Variants in IFNG observed in about 807,000 individuals in gnomAD.
IFNG encodes the protein interferon gamma, also known as IFN-gamma.
A neutral mutation model predicts 14.4 loss-of-function variants in IFNG; 8 were observed. That is an observed-to-expected ratio of 0.56 (90% confidence interval 0.33 to 1.00). IFNG has a LOEUF of 1.00. IFNG is among the 50% of genes least tolerant of loss of function. The pLI is 0.03. For synonymous variants in IFNG, 73 were observed against 65.4 expected, an observed-to-expected ratio of 1.12 and a Z score of -0.56; for missense variants, 132 against 194.9, an observed-to-expected ratio of 0.68 and a Z score of 1.92.
At position 68,155,379 on chromosome 12, in the gene IFNG, A is replaced by G. The variant is rs1882584948; in HGVS notation, c.475T>C (p.Phe159Leu). The change falls in exon 4 of 4, where the codon TTT (phenylalanine) becomes CTT (leucine). Residue 159 changes from phenylalanine (F) to leucine (L), a missense_variant. Physicochemically the swap from Phe to Leu is conservative, Grantham distance 22 (BLOSUM62 0). Transcript: ENST00000229135. ...TGKRKRSQML[F>L]RGRRASQ ...TACTGGGATGCTCTTCGACCTCGAAACAGCATCTGACTCCTTTTTCGCTTC... is the reference window on the plus strand; with the variant it reads ...TACTGGGATGCTCTTCGACCTCGAAGCAGCATCTGACTCCTTTTTCGCTTC... 6.2e-7 allele frequency: 1 copy of G among 1,610,116 alleles called. No homozygotes were observed. The highest frequency in any genetic ancestry group is 8.5e-7 in the Non-Finnish European group (1 of 1,177,904).
At position 68,158,021 on chromosome 12, in the gene IFNG, G is replaced by A. The variant is rs1214213909; in HGVS notation, c.258C>T (p.Asp86=). Residue 86 remains aspartate (D), a synonymous_variant, in exon 3 of 4, where the codon GAC becomes GAT. Coordinates refer to ENST00000229135, the MANE Select transcript of IFNG (RefSeq NM_000619.3). ...YFKLFKNFKD[D]QSIQKSVETI... ...TCTCCACACTCTTTTGGATGCTCTGGTCATCTTTAAAGTTTTTAAAAAGTT... is the reference window on the plus strand; with the variant it reads ...TCTCCACACTCTTTTGGATGCTCTGATCATCTTTAAAGTTTTTAAAAAGTT... The A allele has an allele frequency of 1.9e-6, 3 of 1,610,130 alleles. No individual in the cohort carries two copies. The highest frequency in any genetic ancestry group is 2.5e-6 in the Non-Finnish European group (3 of 1,177,564).
chr12:68,158,714 AGTGTGTGTGT>A (rs34079299), intron 1 of IFNG, among the ~76,000 whole-genome samples: 4 of 148,700 alleles, frequency 2.7e-5, no homozygotes, highest in African/African-American at 9.9e-5. Flanking sequence ...AACATGTGCG[AGTGTGTGTGT>A]GTGTGTGTGT....
In IFNG at chr12:68,155,492, C is replaced by A. The variant is rs781718132; in HGVS notation, c.367-5G>T. On this transcript the variant is annotated splice_polypyrimidine_tract_variant and splice_region_variant and intron_variant, in intron 3 of 3. Transcript: ENST00000229135. The stretch of plus-strand genomic sequence containing the variant: ...TTGGACATTCAAGTCAGTTACCTAT[C>A]GGGAAAGAAAAGAGCAAAATTAATT... The A allele has an allele frequency of 1.3e-6, 2 of 1,596,798 alleles. No individual in the cohort carries two copies. Among genetic ancestry groups the A allele is most frequent in the Admixed American group, 1.7e-5 (1 of 57,508 alleles).
intron 1 of IFNG, among the ~76,000 whole-genome samples, chr12:68,158,972 A>T (rs1046791662): frequency 1.3e-5 from 2 of 152,218 alleles, no homozygotes; most frequent in Non-Finnish European, 2.9e-5. Flanking sequence ...TGAGCAACGA[A>T]GTTCCGGAAT....
At position 68,155,995 on chromosome 12, in the gene IFNG, C is replaced by T. The variant is rs192401168; in HGVS notation, c.367-508G>A. ...CACTGTTGTGCATAGCAGATTAATC[C>T]GGAAACCTGTCAAAGACCTCAGAGA... On this transcript the variant is annotated intron_variant, in intron 3 of 3. Coordinates refer to ENST00000229135, the MANE Select transcript of IFNG (RefSeq NM_000619.3). 3.3e-5 allele frequency among the ~76,000 whole-genome samples: 5 copies of T among 152,192 alleles called. No homozygotes were observed. In the East Asian group the frequency reaches 9.7e-4, roughly 29 times the overall value.
chr12:68,157,600 C>T (rs1206499559), intron 3 of IFNG, among the ~76,000 whole-genome samples: 1 of 152,186 alleles, frequency 6.6e-6, no homozygotes, highest in African/African-American at 2.4e-5. Context: ...GAGCAAGGGA[C>T]AATGAGAGAA....
At chr12:68,159,414 G>A (rs1405324101) in intron 1 of IFNG, 88 bp downstream of exon 1, 3 of 639,852 alleles carry the variant, frequency 4.7e-6, no homozygotes, top group Non-Finnish European at 8.5e-6. Context: ...CTGCCTACAA[G>A]AGATGACAGC....
Position 68,159,490 on chromosome 12 carries a change from A to T in IFNG, c.114+12T>A. On this transcript the variant is annotated intron_variant, in intron 1 of 3. Coordinates refer to ENST00000229135, the MANE Select transcript of IFNG (RefSeq NM_000619.3). The stretch of plus-strand genomic sequence containing the variant: ...CAACCACAAACAAGTACTATTAAAA[A>T]GTCATACTTACAAAATATTTCTTAA... 7.5e-7 allele frequency: 1 copy of T among 1,329,464 alleles called. No individual in the cohort carries two copies. Among genetic ancestry groups the T allele is most frequent in the Non-Finnish European group, 1.1e-6 (1 of 933,432 alleles). The allele number at this position is 1,329,464 out of a possible 1,614,324, so 82.4% of individuals were successfully genotyped here.
chr12:68,155,759 G>A (rs1882591383), intron 3 of IFNG, among the ~76,000 whole-genome samples: 1 of 152,080 alleles, frequency 6.6e-6, no homozygotes, highest in South Asian at 2.1e-4. Flanking sequence ...CCTGGTTGTG[G>A]AGTCAGCATA....
At chr12:68,158,993 T>A (rs1882645834) in intron 1 of IFNG, among the ~76,000 whole-genome samples, 1 of 152,194 alleles carries the variant, frequency 6.6e-6, no homozygotes, top group Non-Finnish European at 1.5e-5. Context: ...ACTTCACAAG[T>A]AATATAGATA....
At chr12:68,157,220 T>C (rs1439129637) in intron 3 of IFNG, among the ~76,000 whole-genome samples, 1 of 152,158 alleles carries the variant, frequency 6.6e-6, no homozygotes, top group African/African-American at 2.4e-5. Context: ...TATCTATTTT[T>C]CCCTAAAAAC....
intron 1 of IFNG, among the ~76,000 whole-genome samples, chr12:68,158,679 A>G (rs1194268512): frequency 2.0e-5 from 3 of 151,774 alleles, no homozygotes; most frequent in Non-Finnish European, 4.4e-5. Flanking sequence ...GGGTATTATT[A>G]TACGAGCTTT....
rs544017787 is a variant in IFNG, at chr12:68,158,787, G to C, written c.115-528C>G. Among the ~76,000 whole-genome samples, 3 of 151,864 alleles carry C rather than the reference G, an allele frequency of 2.0e-5. No individual in the cohort carries two copies. The South Asian group carries it at 6.2e-4, about 32-fold the overall frequency. Reference sequence around the variant, plus strand: ...AGAATAAAATCAATTGTGAATGTCTGAATATTATTATGACAGCTATAATTA... The same window carrying C: ...AGAATAAAATCAATTGTGAATGTCTCAATATTATTATGACAGCTATAATTA... On this transcript the variant is annotated intron_variant, in intron 1 of 3. Coordinates refer to ENST00000229135, the MANE Select transcript of IFNG (RefSeq NM_000619.3).
In IFNG at chr12:68,157,964, G is replaced by GA; in HGVS notation, c.314dup (p.Asn106GlnfsTer2). On this transcript the variant is annotated frameshift_variant, in exon 3 of 4. Transcript: ENST00000229135. LOFTEE classifies it high-confidence loss of function. ...CATCTCGTTTCTTTTTGTTGCTATT[G>GA]AAAAACTTGACATTCATGTCTTCCT... The GA allele has an allele frequency of 6.2e-7, 1 of 1,607,028 alleles. No homozygotes were observed. Among genetic ancestry groups the GA allele is most frequent in the Non-Finnish European group, 8.5e-7 (1 of 1,175,592 alleles).
chr12:68,158,123 A>T lies in IFNG; in HGVS notation c.184-28T>A, dbSNP rs1882629274. On this transcript the variant is annotated intron_variant, in intron 2 of 3. Coordinates refer to ENST00000229135, the MANE Select transcript of IFNG (RefSeq NM_000619.3). ...TGGAAGGAAAGAGCACAAACAGAGG[A>T]TGATGTGAATTTATCCATCAGAAAG... 2.5e-6 allele frequency: 4 copies of T among 1,596,066 alleles called. No individual in the cohort carries two copies. In the East Asian group the frequency reaches 9.0e-5, roughly 36 times the overall value.
intron 3 of IFNG, 38 bp from the exon 4 acceptor site, chr12:68,155,525 T>C (rs2120739232): frequency 6.4e-7 from 1 of 1,563,022 alleles, no homozygotes; most frequent in Non-Finnish European, 8.7e-7. Flanking sequence ...ATTTCAGGCA[T>C]ATAAGCCATC....
chr12:68,158,714 AGT>A (rs34079299), intron 1 of IFNG, among the ~76,000 whole-genome samples: 55,925 of 148,514 alleles, frequency 0.38, 10,805 homozygotes, highest in Middle Eastern at 0.48. Context: ...AACATGTGCG[AGT>A]GTGTGTGTGT....
intron 1 of IFNG, among the ~76,000 whole-genome samples, 165 bp downstream of exon 1, chr12:68,159,337 C>A (rs1176830392): frequency 1.3e-5 from 2 of 152,144 alleles, no homozygotes; most frequent in Non-Finnish European, 2.9e-5. Context: ...AAAACAATAT[C>A]TAGATTATTT....
At chr12:68,158,394 A>C (rs533256939) in intron 1 of IFNG, 135 bp from the exon 2 acceptor site, 3 of 620,004 alleles carry the variant, frequency 4.8e-6, no homozygotes, top group African/African-American at 1.9e-5. Flanking sequence ...TAGTTCTAAC[A>C]ATAAGTATTC....
Sources: gnomAD v4.1 joint callset for allele counts (sites outside exome capture counted in the v4.1 genomes callset) on GRCh38, gnomAD v4.1.1 for gene constraint, MANE v1.5 for transcripts, NCBI Gene and HGNC (gene_info 2026-07-23, HGNC 2026-07-21) for gene names.